The following LARP1B variants were observed in gnomAD, a reference collection of about 807,000 sequenced individuals.
LARP1B encodes la-related protein 1B.
A neutral mutation model predicts 114.2 loss-of-function variants in LARP1B; 76 were observed. The observed-to-expected ratio is 0.67, with a 90% CI of 0.55 to 0.81. The LOEUF (loss-of-function observed/expected upper bound fraction) is 0.81. Ranked by LOEUF, LARP1B falls within the 30% of genes least tolerant of loss-of-function variation. The pLI, the probability that LARP1B is intolerant of heterozygous loss-of-function variation, is 0.00. For synonymous variants in LARP1B, 345 were observed against 348.0 expected (o/e 0.99, Z 0.10); for missense variants, 1,014 against 1,075.8 (o/e 0.94, Z 0.80).
chr4:128,138,840 C>T (rs1455583981), intron 11 of LARP1B, among the ~76,000 whole-genome samples: 3 of 151,994 alleles, frequency 2.0e-5, no homozygotes, highest in Admixed American at 6.6e-5. Flanking sequence ...ACCTGTAGTC[C>T]GAGCTACTTG....
intron 11 of LARP1B, among the ~76,000 whole-genome samples, chr4:128,158,260 A>G (rs750862244): frequency 2.0e-4 from 31 of 152,200 alleles, no homozygotes; most frequent in Admixed American, 1.6e-3. Flanking sequence ...AGATGGAGCA[A>G]TCAGAACCAA....
intron 11 of LARP1B, among the ~76,000 whole-genome samples, chr4:128,129,215 C>T (rs1269264646): frequency 1.5e-5 from 2 of 129,838 alleles, no homozygotes; most frequent in Non-Finnish European, 1.6e-5. Context: ...TTCAGCCGTG[C>T]GTGGTGGCGC....
chr4:128,212,004 A>G (rs1200828858), downstream of LARP1B: 1 of 154,016 alleles, frequency 6.5e-6, no homozygotes, highest in African/African-American at 2.4e-5. Context: ...GTCAGGCTAT[A>G]TATAGTGTTA....
At chr4:128,175,686 CA>C (rs1561494672) in intron 12 of LARP1B, among the ~76,000 whole-genome samples, 2 of 152,078 alleles carry the variant, frequency 1.3e-5, no homozygotes, top group Non-Finnish European at 2.9e-5. Flanking sequence ...TTTAAAGTAT[CA>C]TTATGAACTC....
intron 5 of LARP1B, among the ~76,000 whole-genome samples, chr4:128,082,575 G>A (rs1359926212): frequency 1.3e-5 from 2 of 151,932 alleles, no homozygotes. Context: ...CTGCTCCAAG[G>A]ATCCATTCTG....
chr4:128,201,985 A>C (rs957183219), intron 17 of LARP1B, among the ~76,000 whole-genome samples: 1 of 152,210 alleles, frequency 6.6e-6, no homozygotes, highest in Non-Finnish European at 1.5e-5. Flanking sequence ...GTGTGCTACA[A>C]ATACATTTTT....
chr4:128,080,833 TCC>T (rs1561095491), intron 4 of LARP1B, among the ~76,000 whole-genome samples: 1 of 152,150 alleles, frequency 6.6e-6, no homozygotes, highest in Non-Finnish European at 1.5e-5. Context: ...TTTATACTTA[TCC>T]CTCTTCCCTC....
chr4:128,065,504 C>T (rs1762467638), intron 1 of LARP1B, among the ~76,000 whole-genome samples: 1 of 151,752 alleles, frequency 6.6e-6, no homozygotes, highest in Non-Finnish European at 1.5e-5. Flanking sequence ...TTTCTATTTT[C>T]TTAAGCAAAT....
Position 128,211,863 on chromosome 4 carries a change from G to T in LARP1B, c.*1810G>T. The T allele has an allele frequency of 4.8e-6, 3 of 625,922 alleles. No homozygotes were observed. The highest frequency in any genetic ancestry group is 6.0e-6 in the Non-Finnish European group (3 of 501,874). 38.8% of individuals were successfully genotyped at this position (625,922 alleles called of 1,614,324 possible). A position where few individuals can be genotyped will look rare whatever the true frequency, so the allele number is the denominator to read the frequency against. On this transcript the variant is annotated 3_prime_UTR_variant, in exon 20 of 20. Transcript: ENST00000326639. ...TGAAAATACAATAATCAGGAGTTTT[G>T]TGGTTTGTATTAATTAGTAGTTTTA...
At chr4:128,090,544 A>G (rs1278555832) in intron 5 of LARP1B, among the ~76,000 whole-genome samples, 3 of 152,204 alleles carry the variant, frequency 2.0e-5, no homozygotes, top group Admixed American at 6.5e-5. Context: ...TAGAATTTCT[A>G]TATTTCGCTT....
intron 15 of LARP1B, among the ~76,000 whole-genome samples, chr4:128,198,148 G>A (rs1214467174): frequency 6.6e-6 from 1 of 152,068 alleles, no homozygotes; most frequent in African/African-American, 2.4e-5. Context: ...GCCTCCCAAA[G>A]TGCTGGGATT....
intron 5 of LARP1B, among the ~76,000 whole-genome samples, chr4:128,087,032 G>T (rs1439732162): frequency 1.3e-5 from 2 of 151,982 alleles, no homozygotes; most frequent in Non-Finnish European, 2.9e-5. Context: ...GGGTTCTCCT[G>T]CCTCAGCCTC....
At chr4:128,219,948 C>T (rs1258712720) in intron 6 of LARP1B, among the ~76,000 whole-genome samples, 6 of 152,140 alleles carry the variant, frequency 3.9e-5, no homozygotes, top group African/African-American at 9.7e-5. Context: ...TGCAATGGCA[C>T]GATCTCGGCT....
chr4:128,076,285 G>A (rs1048007757), intron 3 of LARP1B, among the ~76,000 whole-genome samples: 2 of 152,220 alleles, frequency 1.3e-5, no homozygotes, highest in East Asian at 1.9e-4. Flanking sequence ...GATTACAGGC[G>A]TGAGCCACTG....
Position 128,098,325 on chromosome 4 carries a change from T to G in LARP1B, c.808T>G (p.Leu270Val). 1 of 1,606,456 alleles carries G rather than the reference T, an allele frequency of 6.2e-7. No homozygotes were observed. ...QALTTNLNLI[L>V]EALKDSTEVE... ...TCTCACTACAAACCTTAATCTCATC[T>G]TAGAGGTAATTGCTCATTTGATGAA... The change falls in exon 8 of 20, where the codon TTA (leucine) becomes GTA (valine). Residue 270 changes from leucine to valine, a missense_variant. Transcript: ENST00000326639.
intron 8 of LARP1B, among the ~76,000 whole-genome samples, chr4:128,105,407 T>TA (rs1580443755): frequency 6.6e-6 from 1 of 152,226 alleles, no homozygotes; most frequent in East Asian, 1.9e-4. Context: ...TACTGTTTGC[T>TA]ACTGGGGTGT....
chr4:128,206,529 A>G lies in LARP1B; in HGVS notation c.2411A>G (p.Tyr804Cys), dbSNP rs762222898. Residue 804 changes from tyrosine (Y) to cysteine (C), a missense_variant, in exon 18 of 20, where the codon TAC becomes TGC. Physicochemically the swap from Tyr to Cys is radical, Grantham distance 194. Coordinates refer to ENST00000326639, the MANE Select transcript of LARP1B (RefSeq NM_018078.4). ...QDFQEETKKD[Y>C]ESGQLYGLEK... ...TTCCAAGAAGAAACCAAAAAAGACT[A>G]CGAATCTGGTAACAATAACATCAGA... The G allele has an allele frequency of 2.8e-5, 45 of 1,608,628 alleles. No homozygotes were observed. The highest frequency in any genetic ancestry group is 3.7e-5 in the Non-Finnish European group (44 of 1,178,110).
At chr4:128,166,792 G>A (rs1288280967) in intron 12 of LARP1B, among the ~76,000 whole-genome samples, 1 of 149,856 alleles carries the variant, frequency 6.7e-6, no homozygotes, top group Non-Finnish European at 1.5e-5. Context: ...TTTTTTTAAA[G>A]ATTCTATATA....
At chr4:128,106,857 AGTC>A (rs1457286831) in intron 8 of LARP1B, among the ~76,000 whole-genome samples, 4 of 152,202 alleles carry the variant, frequency 2.6e-5, no homozygotes. Flanking sequence ...AAATAGTAAA[AGTC>A]AATTTGCTTC....
Sources: gnomAD v4.1 joint callset for allele counts (sites outside exome capture counted in the v4.1 genomes callset) on GRCh38, gnomAD v4.1.1 for gene constraint, MANE v1.5 for transcripts, NCBI Gene and HGNC (gene_info 2026-07-23, HGNC 2026-07-21) for gene names.